Variants in VTA1 observed in about 807,000 individuals in gnomAD.
VTA1 encodes vesicle trafficking 1.
In VTA1, 24 loss-of-function variants were observed where a neutral mutation model predicts 36.9. That is an observed-to-expected ratio of 0.65 (90% CI 0.47 to 0.91). The LOEUF (loss-of-function observed/expected upper bound fraction) is 0.91. VTA1 is among the 40% of genes least tolerant of loss of function. VTA1 has a pLI of 0.00. For missense variants in VTA1, 393 were observed against 377.2 expected (o/e 1.04, Z -0.35); for synonymous variants, 142 against 130.2 (o/e 1.09, Z -0.62).
chr6:142,196,769 A>G (rs1049969860), intron 5 of VTA1, among the ~76,000 whole-genome samples: 1 of 151,778 alleles, frequency 6.6e-6, no homozygotes, highest in African/African-American at 2.4e-5. Flanking sequence ...CTAATTTTTA[A>G]TAATTTCTAT....
At chr6:142,176,177 A>C (rs951687696) in intron 4 of VTA1, among the ~76,000 whole-genome samples, 35 of 152,202 alleles carry the variant, frequency 2.3e-4, no homozygotes, top group Non-Finnish European at 7.3e-5. Context: ...CACTACTAGC[A>C]GTGTTTGAGG....
chr6:142,164,913 T>G (rs966725383), intron 1 of VTA1, among the ~76,000 whole-genome samples: 1 of 152,196 alleles, frequency 6.6e-6, no homozygotes, highest in South Asian at 2.1e-4. Flanking sequence ...TAGACTAATA[T>G]CCCTGTCATC....
chr6:142,177,478 G>T (rs566360207), intron 4 of VTA1, among the ~76,000 whole-genome samples: 1 of 148,000 alleles, frequency 6.8e-6, no homozygotes, highest in Non-Finnish European at 1.5e-5. Context: ...TGCCTAGCAT[G>T]TAAGTGCTTT....
intron 6 of VTA1, among the ~76,000 whole-genome samples, chr6:142,202,058 G>A (rs6940788): frequency 1.3e-5 from 2 of 151,880 alleles, no homozygotes; most frequent in Non-Finnish European, 1.5e-5. Flanking sequence ...AGATGTATAT[G>A]AATGATATAT....
intron 4 of VTA1, among the ~76,000 whole-genome samples, chr6:142,188,217 CTTTA>C (rs1775382951): frequency 1.0e-5 from 1 of 98,298 alleles, no homozygotes; most frequent in African/African-American, 3.7e-5. Context: ...CCCTCTATTT[CTTTA>C]TTTCTTTTTT....
At chr6:142,171,625 C>T (rs953122161) in intron 4 of VTA1, among the ~76,000 whole-genome samples, 3 of 152,128 alleles carry the variant, frequency 2.0e-5, no homozygotes. Flanking sequence ...ACTTTAAGTT[C>T]AGTATCATTT....
At chr6:142,154,644 A>G (rs1019710094) in intron 1 of VTA1, among the ~76,000 whole-genome samples, 6 of 152,036 alleles carry the variant, frequency 3.9e-5, no homozygotes, top group South Asian at 2.1e-4. Context: ...TTGTGTCACT[A>G]TTTTTAATTA....
At position 142,220,394 on chromosome 6, in the gene VTA1, A is replaced by G. The variant is rs1005801389; in HGVS notation, c.*1751A>G. The G allele has an allele frequency of 3.9e-5, 6 of 152,176 alleles. No homozygotes were observed. Among genetic ancestry groups the G allele is most frequent in the Non-Finnish European group, 8.8e-5 (6 of 68,034 alleles). The allele number at this position is 152,176 out of a possible 1,614,324, so 9.4% of individuals were successfully genotyped here. A position where few individuals can be genotyped will look rare whatever the true frequency, so the allele number is the denominator to read the frequency against. ...CCTTCTGGTTCCCAATTGGGAGAGCACATAGAGGGAAGGAGACAATATAGA... is the reference window on the plus strand; with the variant it reads ...CCTTCTGGTTCCCAATTGGGAGAGCGCATAGAGGGAAGGAGACAATATAGA... On this transcript the variant is annotated 3_prime_UTR_variant, in exon 8 of 8. Transcript: ENST00000367630.
intron 4 of VTA1, 137 bp from the exon 5 acceptor site, chr6:142,189,289 G>A (rs1775405215): frequency 3.3e-6 from 2 of 601,510 alleles, no homozygotes; most frequent in African/African-American, 1.9e-5. Flanking sequence ...AATAGGGTGG[G>A]GTATTGCCAG....
rs1012138587 is a variant in VTA1, at chr6:142,218,569, C to G, written c.850C>G (p.Gln284Glu). Residue 284 changes from glutamine (Q) to glutamate (E), a missense_variant, in exon 8 of 8, where the codon CAG becomes GAG. Physicochemically the swap from Gln to Glu is conservative, Grantham distance 29. Coordinates refer to ENST00000367630, the MANE Select transcript of VTA1 (RefSeq NM_016485.5). ...KYCKYAGSAL[Q>E]YEDVSTAVQN... is the part of the protein sequence containing the mutation. ...CTGCAAATATGCTGGCAGTGCTTTG[C>G]AGTATGAAGATGTAAGCACTGCTGT... The G allele has an allele frequency of 6.2e-7, 1 of 1,613,440 alleles. No individual in the cohort carries two copies. The highest frequency in any genetic ancestry group is 1.3e-5 in the African/African-American group (1 of 74,874).
intron 5 of VTA1, among the ~76,000 whole-genome samples, chr6:142,190,082 C>A (rs1173493122): frequency 6.6e-6 from 1 of 152,140 alleles, no homozygotes. Flanking sequence ...GATTTCATTC[C>A]TGTTACATAG....
intron 1 of VTA1, among the ~76,000 whole-genome samples, chr6:142,151,381 C>T (rs1434182576): frequency 4.6e-5 from 7 of 152,186 alleles, no homozygotes; most frequent in Non-Finnish European, 7.3e-5. Context: ...GATGACCTTA[C>T]TGCCTCATTC....
At chr6:142,178,330 C>G (rs1268521391) in intron 4 of VTA1, among the ~76,000 whole-genome samples, 1 of 151,972 alleles carries the variant, frequency 6.6e-6, no homozygotes, top group African/African-American at 2.4e-5. Context: ...AACAAAAACC[C>G]TGTCAACTCA....
intron 1 of VTA1, among the ~76,000 whole-genome samples, chr6:142,150,244 G>C (rs1220999407): frequency 6.6e-6 from 1 of 152,146 alleles, no homozygotes; most frequent in African/African-American, 2.4e-5. Context: ...CTTTTCAACA[G>C]AACACTGCTC....
At chr6:142,164,062 TA>T (rs1774864637) in intron 1 of VTA1, among the ~76,000 whole-genome samples, 1 of 152,098 alleles carries the variant, frequency 6.6e-6, no homozygotes, top group Admixed American at 6.6e-5. Flanking sequence ...TTGGCTCTCT[TA>T]GGGGAATATG....
At chr6:142,198,117 A>ATGTGTGTGTG (rs1265860816) in intron 5 of VTA1, among the ~76,000 whole-genome samples, 200 of 78,614 alleles carry the variant, frequency 2.5e-3, no homozygotes, top group East Asian at 6.2e-3. Flanking sequence ...ATATATATAT[A>ATGTGTGTGTG]TATGTGTGTG....
intron 1 of VTA1, among the ~76,000 whole-genome samples, chr6:142,149,145 T>C (rs1027892328): frequency 6.6e-6 from 1 of 152,194 alleles, no homozygotes; most frequent in Non-Finnish European, 1.5e-5. Context: ...TTTCCAGCCT[T>C]ATAGGTAAGT....
chr6:142,175,048 C>T (rs1373207436), intron 4 of VTA1, among the ~76,000 whole-genome samples: 1 of 152,142 alleles, frequency 6.6e-6, no homozygotes, highest in Non-Finnish European at 1.5e-5. Context: ...ATGTAAACAA[C>T]CTGAATAACC....
intron 1 of VTA1, among the ~76,000 whole-genome samples, chr6:142,159,500 T>TATG (rs1774746048): frequency 7.2e-6 from 1 of 138,778 alleles, no homozygotes; most frequent in African/African-American, 3.0e-5. Context: ...TTATTATTAT[T>TATG]ATTATTATTA....
Sources: allele counts gnomAD v4.1 joint callset (sites outside exome capture counted in the v4.1 genomes callset), GRCh38; gene constraint gnomAD v4.1.1; transcripts MANE v1.5; gene names NCBI Gene and HGNC (gene_info 2026-07-23, HGNC 2026-07-21).